CNBD1: variants seen among roughly 807,000 people sequenced by gnomAD.
The protein encoded by CNBD1 is cyclic nucleotide binding domain containing 1, also known as cyclic nucleotide-binding domain-containing protein 1.
Under a neutral mutation model 54.4 loss-of-function variants are expected in CNBD1, and 71 were observed. The ratio of observed to expected loss-of-function variants is 1.30; its 90% CI spans 1.08 to 1.59. The LOEUF is 1.59. CNBD1 is among the 40% of genes most tolerant of loss of function. The probability of loss-of-function intolerance (pLI) is 0.00; values close to 1 mark genes in which losing one functional copy is unlikely to be tolerated. For missense variants in CNBD1, 659 were observed against 518.0 expected (o/e 1.27, Z -2.64); for synonymous variants, 182 against 170.7 (o/e 1.07, Z -0.51).
chr8:87,200,830 A>C (rs1813844108), intron 4 of CNBD1, among the ~76,000 whole-genome samples: 1 of 152,170 alleles, frequency 6.6e-6, no homozygotes, highest in African/African-American at 2.4e-5. Flanking sequence ...CCAAACTCTT[A>C]AGGAACTAAA....
intron 2 of CNBD1, among the ~76,000 whole-genome samples, chr8:86,888,204 TTC>T (rs1349551274): frequency 6.6e-6 from 1 of 152,208 alleles, no homozygotes. Flanking sequence ...TTACAGAGTT[TTC>T]TCTCTCTACT....
At chr8:86,935,781 C>T (rs1809536415) in intron 3 of CNBD1, among the ~76,000 whole-genome samples, 1 of 152,016 alleles carries the variant, frequency 6.6e-6, no homozygotes, top group Non-Finnish European at 1.5e-5. Flanking sequence ...GTATAACTTA[C>T]TCTTTCTTTT....
intron 4 of CNBD1, among the ~76,000 whole-genome samples, chr8:86,988,790 C>A (rs1808671249): frequency 6.6e-6 from 1 of 152,072 alleles, no homozygotes; most frequent in African/African-American, 2.4e-5. Flanking sequence ...TTTTTCTGTG[C>A]CTGGCTTATT....
At chr8:87,220,288 A>G (rs1814302582) in intron 5 of CNBD1, among the ~76,000 whole-genome samples, 1 of 151,940 alleles carries the variant, frequency 6.6e-6, no homozygotes, top group Admixed American at 6.6e-5. Flanking sequence ...AAAGTTTGCA[A>G]TGTTCGTAGT....
At chr8:87,418,392 C>G (rs903987090) in intron 2 of CNBD1, among the ~76,000 whole-genome samples, 1 of 151,808 alleles carries the variant, frequency 6.6e-6, no homozygotes, top group African/African-American at 2.4e-5. Context: ...CTAAATTTAA[C>G]AAGTCGAAAA....
chr8:87,386,604 A>C (rs192691515), downstream of CNBD1, among the ~76,000 whole-genome samples: 192 of 152,326 alleles, frequency 1.3e-3, 2 homozygotes, highest in Admixed American at 0.01. Flanking sequence ...ATATGGGACT[A>C]TGTGAAAAGA....
In CNBD1 at chr8:87,199,961, G is replaced by A. The variant is rs957710937; in HGVS notation, c.432-6032G>A. ...CTGATCATAGATTTTGGTAATGGTT[G>A]CACGAGTGTATACTTACCTCCAAAT... On this transcript the variant is annotated intron_variant, in intron 4 of 10. Coordinates refer to ENST00000518476, the MANE Select transcript of CNBD1 (RefSeq NM_173538.3). Among the ~76,000 whole-genome samples the A allele has an allele frequency of 2.0e-5, 3 of 152,192 alleles. No individual in the cohort carries two copies. In the Middle Eastern group the frequency reaches 0.01, roughly 518 times the overall value.
At chr8:87,012,957 A>T (rs1370892438) in intron 4 of CNBD1, among the ~76,000 whole-genome samples, 1 of 152,224 alleles carries the variant, frequency 6.6e-6, no homozygotes, top group East Asian at 1.9e-4. Context: ...GCTATGTCAT[A>T]GGCCATGGTC....
chr8:87,054,652 A>C (rs1252656937), intron 4 of CNBD1, among the ~76,000 whole-genome samples: 1 of 152,046 alleles, frequency 6.6e-6, no homozygotes, highest in Non-Finnish European at 1.5e-5. Flanking sequence ...GCAACAGAAA[A>C]CTCTGGAAGT....
At position 87,311,776 on chromosome 8, in the gene CNBD1, C is replaced by A. The variant is rs898698133; in HGVS notation, c.1042+25105C>A. On this transcript the variant is annotated intron_variant, in intron 8 of 10. Transcript: ENST00000518476. ...AATAGTATGCAGCTATAAAAAAGAG[C>A]AAAATCATGTCATTTGCAGCAATAT... is the stretch of plus-strand genomic sequence containing the variant. 3.6e-4 allele frequency among the ~76,000 whole-genome samples: 55 copies of A among 151,890 alleles called. 1 individual carries two copies. Among genetic ancestry groups the A allele is most frequent in the African/African-American group, 1.1e-3 (47 of 41,364 alleles).
At chr8:87,149,213 T>C (rs1344335541) in intron 4 of CNBD1, among the ~76,000 whole-genome samples, 4 of 152,196 alleles carry the variant, frequency 2.6e-5, no homozygotes, top group African/African-American at 9.6e-5. Context: ...ACATTTAACA[T>C]TGAGTGTACT....
chr8:87,189,355 T>C (rs765868407), intron 4 of CNBD1, among the ~76,000 whole-genome samples: 1 of 152,188 alleles, frequency 6.6e-6, no homozygotes, highest in African/African-American at 2.4e-5. Context: ...AACATGTAGA[T>C]AAAATAAGCG....
chr8:87,234,451 G>C (rs767103082), intron 5 of CNBD1, among the ~76,000 whole-genome samples: 1 of 152,168 alleles, frequency 6.6e-6, no homozygotes, highest in African/African-American at 2.4e-5. Context: ...AATGAATGTT[G>C]TGTTAGCAGG....
chr8:86,988,069 T>C (rs780964129), intron 4 of CNBD1, among the ~76,000 whole-genome samples: 63 of 152,004 alleles, frequency 4.1e-4, no homozygotes, highest in Non-Finnish European at 8.4e-4. Context: ...GGAGGATTGG[T>C]ACCATTTCTT....
rs926248231 is a variant in CNBD1, at chr8:87,182,558, A to G, written c.432-23435A>G. ...CTCCACAACCTTTCCAGCATTTGTT[A>G]TTTTTTGACTTTTTAATGATAGCCA... On this transcript the variant is annotated intron_variant, in intron 4 of 10. Coordinates refer to ENST00000518476, the MANE Select transcript of CNBD1 (RefSeq NM_173538.3). This position sits in a 1 kb window ranked among gnomAD's most constrained non-coding sequence, Gnocchi z 4.1. Among the ~76,000 whole-genome samples the G allele has an allele frequency of 6.6e-6, 1 of 151,588 alleles. No homozygotes were observed. The highest frequency in any genetic ancestry group is 1.5e-5 in the Non-Finnish European group (1 of 67,846).
At chr8:86,941,831 G>T (rs1046428125) in intron 4 of CNBD1, among the ~76,000 whole-genome samples, 1 of 152,126 alleles carries the variant, frequency 6.6e-6, no homozygotes. Flanking sequence ...CTATTTAATG[G>T]CCTGTTTCCA....
intron 8 of CNBD1, among the ~76,000 whole-genome samples, chr8:87,339,290 G>T (rs755545253): frequency 7.2e-5 from 11 of 152,136 alleles, no homozygotes; most frequent in Non-Finnish European, 1.5e-4. Context: ...TCATAGTAAT[G>T]GGTTCTCCCT....
chr8:87,231,941 G>A (rs570668366), intron 5 of CNBD1, among the ~76,000 whole-genome samples: 2 of 152,128 alleles, frequency 1.3e-5, no homozygotes, highest in East Asian at 1.9e-4. Context: ...GTCCCATAGG[G>A]GCAATGGCTC....
chr8:87,334,316 C>A (rs995606916), intron 8 of CNBD1, among the ~76,000 whole-genome samples: 3 of 150,544 alleles, frequency 2.0e-5, no homozygotes, highest in East Asian at 1.9e-4. Flanking sequence ...TTAATTTTTT[C>A]AAAAAAAACA....
Sources: allele counts gnomAD v4.1 joint callset (sites outside exome capture counted in the v4.1 genomes callset), GRCh38; gene constraint gnomAD v4.1.1; non-coding constraint Gnocchi (gnomAD v3.1); transcripts MANE v1.5; gene names NCBI Gene and HGNC (gene_info 2026-07-23, HGNC 2026-07-21).